PPP2R2C: variants seen among roughly 807,000 people sequenced by gnomAD.
PPP2R2C encodes the protein protein phosphatase 2, regulatory subunit B, gamma.
A neutral mutation model predicts 45.3 loss-of-function variants in PPP2R2C; 10 were observed. The ratio of observed to expected loss-of-function variants is 0.22; its 90% CI spans 0.14 to 0.37. The LOEUF (loss-of-function observed/expected upper bound fraction) is 0.37, where lower values mean the gene tolerates loss of function less well. Ranked by LOEUF, PPP2R2C falls within the 10% of genes least tolerant of loss-of-function variation. PPP2R2C has a pLI of 1.00. For synonymous variants in PPP2R2C, 257 were observed against 245.4 expected (o/e 1.05, Z -0.44); for missense variants, 308 against 619.7 (o/e 0.50, Z 5.34).
intron 5 of PPP2R2C, among the ~76,000 whole-genome samples, chr4:6,356,554 T>C (rs1713212463): frequency 6.6e-6 from 1 of 152,242 alleles, no homozygotes; most frequent in Non-Finnish European, 1.5e-5. Flanking sequence ...GGCAAGTTTC[T>C]GAACCTCTCT....
chr4:6,532,778 T>C (rs898312020), intron 2 of PPP2R2C, among the ~76,000 whole-genome samples: 2 of 152,252 alleles, frequency 1.3e-5, no homozygotes, highest in Non-Finnish European at 2.9e-5. Flanking sequence ...GCCACCACCA[T>C]CACCCACATG....
At chr4:6,420,741 G>C (rs1036088540) in intron 1 of PPP2R2C, among the ~76,000 whole-genome samples, 3 of 152,164 alleles carry the variant, frequency 2.0e-5, no homozygotes, top group African/African-American at 7.2e-5. Flanking sequence ...TAAGAGGACT[G>C]GTTAAACATG....
chr4:6,456,231 C>G (rs988045620), intron 1 of PPP2R2C, among the ~76,000 whole-genome samples: 8 of 152,080 alleles, frequency 5.3e-5, no homozygotes, highest in Non-Finnish European at 8.8e-5. Context: ...ATAGTACAAT[C>G]TGCAGGGGGT....
chr4:6,327,055 T>C (rs771282443), intron 8 of PPP2R2C, among the ~76,000 whole-genome samples: 1 of 152,174 alleles, frequency 6.6e-6, no homozygotes, highest in Non-Finnish European at 1.5e-5. Context: ...CCCCTGACCA[T>C]GGGGCATGTT....
chr4:6,561,355 A>C (rs141139010), intron 1 of PPP2R2C, among the ~76,000 whole-genome samples: 3 of 152,270 alleles, frequency 2.0e-5, no homozygotes, highest in African/African-American at 4.8e-5. Context: ...GAGAGAGTGC[A>C]GGAGAAAGTG....
At chr4:6,510,952 C>T (rs1316745304) in intron 2 of PPP2R2C, among the ~76,000 whole-genome samples, 2 of 134,898 alleles carry the variant, frequency 1.5e-5, no homozygotes, top group Admixed American at 8.9e-5. Context: ...ACTCCAGCCT[C>T]GGCAACAGAG....
intron 6 of PPP2R2C, among the ~76,000 whole-genome samples, chr4:6,336,288 G>A (rs1040564601): frequency 4.0e-5 from 6 of 151,724 alleles, no homozygotes; most frequent in African/African-American, 7.3e-5. Flanking sequence ...TCAGTGGCCC[G>A]AGCTTTCCTC....
chr4:6,349,823 G>A (rs1007711597), intron 5 of PPP2R2C: 2 of 911,580 alleles, frequency 2.2e-6, no homozygotes, highest in Non-Finnish European at 2.6e-6. Context: ...CCTGGGAGGT[G>A]GATGTTGCAG....
intron 5 of PPP2R2C, among the ~76,000 whole-genome samples, chr4:6,360,225 G>A (rs1713605288): frequency 1.3e-5 from 2 of 152,242 alleles, no homozygotes. Context: ...GCAGAGTAAG[G>A]ACTGAAATCC....
intron 2 of PPP2R2C, among the ~76,000 whole-genome samples, chr4:6,496,688 C>T (rs1490699788): frequency 1.3e-5 from 2 of 151,940 alleles, no homozygotes; most frequent in African/African-American, 2.4e-5. Flanking sequence ...ATGGTGAAAC[C>T]CTATCTCTAC....
chr4:6,511,545 GA>G (rs1723495659), intron 2 of PPP2R2C, among the ~76,000 whole-genome samples: 1 of 40,192 alleles, frequency 2.5e-5, no homozygotes, highest in Non-Finnish European at 6.4e-5. Context: ...TGGTGGTGGT[GA>G]TGGTGGTGGT....
intron 1 of PPP2R2C, among the ~76,000 whole-genome samples, chr4:6,394,799 C>T (rs1716906969): frequency 6.6e-6 from 1 of 152,258 alleles, no homozygotes; most frequent in Non-Finnish European, 1.5e-5. Flanking sequence ...CCCCAGCCGG[C>T]AGGCGGGCGA....
At chr4:6,556,515 T>C (rs1199412329) in intron 1 of PPP2R2C, among the ~76,000 whole-genome samples, 1 of 152,194 alleles carries the variant, frequency 6.6e-6, no homozygotes, top group East Asian at 1.9e-4. Context: ...TGCGTGTGTG[T>C]GCGCACACGT....
intron 6 of PPP2R2C, among the ~76,000 whole-genome samples, chr4:6,334,856 C>A (rs529186485): frequency 3.3e-5 from 5 of 152,202 alleles, no homozygotes; most frequent in African/African-American, 4.8e-5. Context: ...CCCTGAGGCT[C>A]CCGAGAGGCC....
intron 6 of PPP2R2C, among the ~76,000 whole-genome samples, chr4:6,347,182 T>G (rs1712045588): frequency 6.6e-6 from 1 of 152,200 alleles, no homozygotes; most frequent in South Asian, 2.1e-4. Context: ...GAACAGCATC[T>G]CCTGGGGCTT....
chr4:6,535,247 C>G, intron 2 of PPP2R2C: 1 of 1,535,126 alleles, frequency 6.5e-7, no homozygotes, highest in African/African-American at 1.4e-5. Flanking sequence ...CGCTGCTGCC[C>G]GGCTGTGAGA....
At chr4:6,354,801 G>T (rs1712994890) in intron 5 of PPP2R2C, among the ~76,000 whole-genome samples, 1 of 152,086 alleles carries the variant, frequency 6.6e-6, no homozygotes, top group Admixed American at 6.5e-5. Flanking sequence ...TGCGAATCCA[G>T]CTTGGGTTCC....
In PPP2R2C at chr4:6,347,828, C is replaced by G; in HGVS notation, c.790+18G>C. ...CTGCCCAATGCACAGCCCCCCACCC[C>G]CAGGCACCGGCACTTACGCTTGGAA... On this transcript the variant is annotated intron_variant, in intron 6 of 8. Transcript: ENST00000382599. The G allele has an allele frequency of 6.3e-7, 1 of 1,596,324 alleles. No homozygotes were observed. The highest frequency in any genetic ancestry group is 8.5e-7 in the Non-Finnish European group (1 of 1,174,168).
rs185065427 is a variant in PPP2R2C, at chr4:6,351,544, C to T, written c.626-3534G>A. ...AGTCTCCCAAACCTGGGTCAGGACCCATGGGGGAGCCATCACAGGGGAATC... is the reference window on the plus strand; with the variant it reads ...AGTCTCCCAAACCTGGGTCAGGACCTATGGGGGAGCCATCACAGGGGAATC... On this transcript the variant is annotated intron_variant, in intron 5 of 8. Transcript: ENST00000382599. 9.8e-3 allele frequency among the ~76,000 whole-genome samples: 1,492 copies of T among 152,256 alleles called. 19 individuals are homozygous for T. The highest frequency in any genetic ancestry group is 0.014 in the Non-Finnish European group (949 of 68,024).
Sources: allele counts gnomAD v4.1 joint callset (sites outside exome capture counted in the v4.1 genomes callset), GRCh38; gene constraint gnomAD v4.1.1; transcripts MANE v1.5; gene names NCBI Gene and HGNC (gene_info 2026-07-23, HGNC 2026-07-21).